The following MAST3 variants were observed in gnomAD, a reference collection of about 807,000 sequenced individuals.
The protein encoded by MAST3 is microtubule-associated serine/threonine-protein kinase 3.
In MAST3, 43 loss-of-function variants were observed where a neutral mutation model predicts 127.0. That is an observed-to-expected ratio of 0.34 (90% CI 0.27 to 0.44). The LOEUF (loss-of-function observed/expected upper bound fraction) is 0.44, where lower values mean the gene tolerates loss of function less well. MAST3 is among the 20% of genes least tolerant of loss of function. The pLI, the probability that MAST3 is intolerant of heterozygous loss-of-function variation, is 1.00. For missense variants in MAST3, 1,390 were observed against 1,919.1 expected (o/e 0.72, Z 5.15); for synonymous variants, 785 against 809.2 (o/e 0.97, Z 0.51).
chr19:18,134,947 A>G lies in MAST3; in HGVS notation c.1835A>G (p.Asp612Gly), dbSNP rs2041731925. The change falls in exon 17 of 28, where the codon GAT (aspartate) becomes GGT (glycine). Residue 612 changes from aspartate to glycine, a missense_variant. This residue lies in a region of MAST3 where 191 missense variants were observed against 409.0 expected (regional missense o/e 0.47). Coordinates refer to ENST00000687212, the MANE Select transcript of MAST3 (RefSeq NM_001393504.1). The part of the protein sequence containing the change: ...FLVGCVPFFG[D>G]TPEELFGQVV... Reference sequence around the variant, plus strand: ...GTGGGCTGCGTGCCTTTCTTTGGAGATACCCCCGAGGAACTCTTCGGTCAG... The same window carrying G: ...GTGGGCTGCGTGCCTTTCTTTGGAGGTACCCCCGAGGAACTCTTCGGTCAG... 6.2e-7 allele frequency: 1 copy of G among 1,613,226 alleles called. No homozygotes were observed. The highest frequency in any genetic ancestry group is 8.5e-7 in the Non-Finnish European group (1 of 1,179,650).
At chr19:18,128,572 G>A (rs577618717) in intron 12 of MAST3, 114 bp downstream of exon 12, 12 of 1,150,332 alleles carry the variant, frequency 1.0e-5, no homozygotes, top group Admixed American at 6.9e-5. Flanking sequence ...AATTAGCATC[G>A]GTGACTTTGG....
Position 18,149,297 on chromosome 19 carries a change from G to C in MAST3, c.3615G>C (p.Lys1205Asn). The C allele has an allele frequency of 1.3e-6, 2 of 1,534,070 alleles. No homozygotes were observed. The highest frequency in any genetic ancestry group is 1.2e-5 in the South Asian group (1 of 82,174). The change falls in exon 28 of 28, where the codon AAG becomes AAC. Residue 1205 changes from lysine (K) to asparagine (N), a missense_variant. Around this residue, in one of 5 missense-constraint regions of MAST3, gnomAD observed 816 missense variants for 934.1 expected, o/e 0.87. Transcript: ENST00000687212. The surrounding 1 kb of genome is among the most constrained non-coding windows in gnomAD (Gnocchi z 5.9). ...GCTCCCTGCACGGCCTGGCTGCCAAGCTTGGGCCACCCCGCCCCAAGACTG... is the reference window on the plus strand; with the variant it reads ...GCTCCCTGCACGGCCTGGCTGCCAACCTTGGGCCACCCCGCCCCAAGACTG... ...RPSSLHGLAAKLGPPRPKTGR... is the reference protein window; with the variant it reads ...RPSSLHGLAANLGPPRPKTGR...
At chr19:18,142,695 C>A (rs2042629057) in intron 21 of MAST3, among the ~76,000 whole-genome samples, 1 of 149,512 alleles carries the variant, frequency 6.7e-6, no homozygotes, top group Non-Finnish European at 1.5e-5. Context: ...ACTCTGTCTC[C>A]CAGACTGGAG....
chr19:18,126,723 C>T (rs1048853703), intron 11 of MAST3, among the ~76,000 whole-genome samples: 6 of 152,138 alleles, frequency 3.9e-5, no homozygotes, highest in African/African-American at 1.2e-4. Context: ...GAGCTATGGT[C>T]GCACAACTGC....
Position 18,149,210 on chromosome 19 carries a change from C to T in MAST3, c.3528C>T (p.Pro1176=). The change falls in exon 28 of 28, where the codon CCC becomes CCT. Residue 1176 remains proline (P), a synonymous_variant. Transcript: ENST00000687212. This position sits in a 1 kb window ranked among gnomAD's most constrained non-coding sequence, Gnocchi z 5.9. ...CCACAGATACCACTGCATCCCCACCCAGCGCATCCCCGAGCTCCAGCAGCC... is the reference window on the plus strand; with the variant it reads ...CCACAGATACCACTGCATCCCCACCTAGCGCATCCCCGAGCTCCAGCAGCC... ...DVPADTTASP[P]SASPSSSSPA... 6.5e-7 allele frequency: 1 copy of T among 1,545,242 alleles called. No homozygotes were observed. Among genetic ancestry groups the T allele is most frequent in the Non-Finnish European group, 8.7e-7 (1 of 1,148,880 alleles).
rs192092986 is a variant in MAST3 at position 18,106,289 on chromosome 19, G to A, written c.40-1298G>A. 5.6e-4 allele frequency among the ~76,000 whole-genome samples: 85 copies of A among 151,874 alleles called. 1 individual carries two copies. Among genetic ancestry groups the A allele is most frequent in the Middle Eastern group, 3.4e-3 (1 of 294 alleles). ...CTTTTTTGAGACGGAATCTCTCATTGTTGCCAGGCTAGAGTGCAATGGCAC... is the reference window on the plus strand; with the variant it reads ...CTTTTTTGAGACGGAATCTCTCATTATTGCCAGGCTAGAGTGCAATGGCAC... On this transcript the variant is annotated intron_variant, in intron 1 of 27. Transcript: ENST00000687212.
In MAST3 at chr19:18,146,995, C is replaced by G. The variant is rs750886979; in HGVS notation, c.3277C>G (p.Arg1093Gly). The change falls in exon 26 of 28, where the codon CGT becomes GGT. Residue 1093 changes from arginine (R) to glycine (G), a missense_variant. Arg to Gly is a moderately radical substitution (Grantham distance 125). Around this residue, in one of 5 missense-constraint regions of MAST3, gnomAD observed 816 missense variants for 934.1 expected, o/e 0.87. Coordinates refer to ENST00000687212, the MANE Select transcript of MAST3 (RefSeq NM_001393504.1). ...GRMARRSKRS[R>G]RRETQDRCAA... ...CATGGCACGCAGGAGCAAGAGGAGC[C>G]GTCGGCGGGAGACCCAGGATCGGTG... 4 of 1,570,824 alleles carry G rather than the reference C, an allele frequency of 2.5e-6. No individual in the cohort carries two copies. The highest frequency in any genetic ancestry group is 3.5e-6 in the Non-Finnish European group (4 of 1,158,588).
chr19:18,147,741 C>A, intron 27 of MAST3, 117 bp downstream of exon 27: 1 of 772,464 alleles, frequency 1.3e-6, no homozygotes, highest in Non-Finnish European at 2.0e-6. Flanking sequence ...AAAAAGATGA[C>A]CGGGATCCTG....
chr19:18,126,845 A>G (rs990134212), intron 11 of MAST3, among the ~76,000 whole-genome samples: 1 of 151,118 alleles, frequency 6.6e-6, no homozygotes, highest in African/African-American at 2.4e-5. Context: ...CAGTGGCACG[A>G]TCTTGGCTCA....
intron 7 of MAST3, 91 bp from the exon 8 acceptor site, chr19:18,123,489 C>T: frequency 2.0e-6 from 3 of 1,472,826 alleles, no homozygotes; most frequent in Non-Finnish European, 9.1e-7. Context: ...GCCTCTGATT[C>T]TTGTCCCTCA....
chr19:18,123,100 A>G, intron 6 of MAST3, 117 bp from the exon 7 acceptor site: 1 of 1,106,926 alleles, frequency 9.0e-7, no homozygotes. Flanking sequence ...AGGCAGGAGA[A>G]AGGATGTTAC....
intron 14 of MAST3, among the ~76,000 whole-genome samples, chr19:18,131,366 G>A (rs368518486): frequency 6.4e-5 from 6 of 94,326 alleles, no homozygotes; most frequent in African/African-American, 1.9e-4. Flanking sequence ...GCAACAGAGC[G>A]GGCAACAGAG....
chr19:18,133,041 A>G (rs954074824), intron 15 of MAST3, among the ~76,000 whole-genome samples: 1 of 151,554 alleles, frequency 6.6e-6, no homozygotes, highest in Non-Finnish European at 1.5e-5. Context: ...GGAGGTTGCA[A>G]TGAGCCAAGA....
chr19:18,110,610 G>C lies in MAST3; in HGVS notation c.72-42G>C. ...AGATCCGGATTCGGCCACACGAAGG[G>C]GCGGCCGCCAGGTTCACCGTCCCCG... On this transcript the variant is annotated intron_variant, in intron 2 of 27. Transcript: ENST00000687212. This position sits in a 1 kb window ranked among gnomAD's most constrained non-coding sequence, Gnocchi z 4.3. 3.2e-6 allele frequency: 3 copies of C among 952,338 alleles called. No homozygotes were observed. The highest frequency in any genetic ancestry group is 2.5e-6 in the Non-Finnish European group (2 of 799,474). The allele number at this position is 952,338 out of a possible 1,614,324, so 59.0% of individuals were successfully genotyped here. A position where few individuals can be genotyped will look rare whatever the true frequency, so the allele number is the denominator to read the frequency against.
chr19:18,134,657 C>G lies in MAST3; in HGVS notation c.1650C>G (p.Thr550=), dbSNP rs2041701141. 6.2e-7 allele frequency: 1 copy of G among 1,613,502 alleles called. No homozygotes were observed. The change falls in exon 16 of 28, where the codon ACC becomes ACG. Residue 550 remains threonine (T), a synonymous_variant. Coordinates refer to ENST00000687212, the MANE Select transcript of MAST3 (RefSeq NM_001393504.1). The part of the protein sequence containing the change: ...LSKIGLMSMA[T]NLYEGHIEKD... ...AGATCGGCCTCATGAGCATGGCCACCAACCTCTATGAGGGCCACATCGAGA... is the reference window on the plus strand; with the variant it reads ...AGATCGGCCTCATGAGCATGGCCACGAACCTCTATGAGGGCCACATCGAGA...
rs1225124085 is a variant in MAST3, at chr19:18,151,460, G to A, written c.*1734G>A. 2.0e-5 allele frequency: 3 copies of A among 152,198 alleles called. No homozygotes were observed. Among genetic ancestry groups the A allele is most frequent in the Admixed American group, 1.3e-4 (2 of 15,266 alleles). The allele number at this position is 152,198 out of a possible 1,614,324, so 9.4% of individuals were successfully genotyped here. A position where few individuals can be genotyped will look rare whatever the true frequency, so the allele number is the denominator to read the frequency against. ...TCAAGGGAGCTTGAATGGAGGGTCT[G>A]GTGTCAGATACAGCCGACTCCAGCC... On this transcript the variant is annotated 3_prime_UTR_variant, in exon 28 of 28. Coordinates refer to ENST00000687212, the MANE Select transcript of MAST3 (RefSeq NM_001393504.1).
rs55633228 is a variant in MAST3, at chr19:18,134,954, C to T, written c.1842C>T (p.Pro614=). The part of the protein sequence containing the change: ...VGCVPFFGDT[P]EELFGQVVSD... ...GCGTGCCTTTCTTTGGAGATACCCCCGAGGAACTCTTCGGTCAGGTGGTCA... is the reference window on the plus strand; with the variant it reads ...GCGTGCCTTTCTTTGGAGATACCCCTGAGGAACTCTTCGGTCAGGTGGTCA... Residue 614 remains proline (P), a synonymous_variant, in exon 17 of 28, where the codon CCC becomes CCT. Transcript: ENST00000687212. The T allele has an allele frequency of 9.8e-3, 15,770 of 1,613,032 alleles. 111 individuals carry two copies. Among genetic ancestry groups the T allele is most frequent in the Admixed American group, 0.021 (1,286 of 59,966 alleles).
At chr19:18,124,939 C>CCCA (rs904252041) in intron 11 of MAST3, among the ~76,000 whole-genome samples, 165 bp downstream of exon 11, 118 of 135,492 alleles carry the variant, frequency 8.7e-4, no homozygotes, top group Non-Finnish European at 1.4e-3. Context: ...AAACCCCCCC[C>CCCA]CTACTAAAAA....
chr19:18,115,763 C>T (rs2039149832), intron 3 of MAST3, among the ~76,000 whole-genome samples: 3 of 152,226 alleles, frequency 2.0e-5, no homozygotes, highest in Non-Finnish European at 4.4e-5. Flanking sequence ...ATAGCAGACA[C>T]AAGGGGGTTT....
Sources: gnomAD v4.1 joint callset for allele counts (sites outside exome capture counted in the v4.1 genomes callset) on GRCh38, gnomAD v4.1.1 for gene constraint, gnomAD v4.1.1 regional missense constraint, Gnocchi (gnomAD v3.1) non-coding constraint, MANE v1.5 for transcripts, NCBI Gene and HGNC (gene_info 2026-07-23, HGNC 2026-07-21) for gene names.